The following NRG3 variants were observed in gnomAD, a reference collection of about 807,000 sequenced individuals.
The protein encoded by NRG3 is neuregulin 3.
In NRG3, 31 loss-of-function variants were observed where a neutral mutation model predicts 66.9. The observed-to-expected ratio is 0.46, with a 90% CI of 0.35 to 0.63. NRG3 has a LOEUF of 0.63. Among genes scored for constraint, NRG3 ranks in the 20% least tolerant of loss-of-function variants. The pLI, the probability that NRG3 is intolerant of heterozygous loss-of-function variation, is 0.00. For synonymous variants in NRG3, 393 were observed against 359.4 expected, an observed-to-expected ratio of 1.09 and a Z score of -1.06; for missense variants, 910 against 878.9, an observed-to-expected ratio of 1.04 and a Z score of -0.45.
At chr10:82,149,431 T>G (rs11192703) in intron 1 of NRG3, among the ~76,000 whole-genome samples, 17,963 of 152,202 alleles carry the variant, frequency 0.12, 1,779 homozygotes, top group African/African-American at 0.26. Flanking sequence ...TTTAATTGCT[T>G]TGCAACATTT....
intron 2 of NRG3, among the ~76,000 whole-genome samples, chr10:82,600,023 T>C (rs1234492373): frequency 6.6e-6 from 1 of 152,150 alleles, no homozygotes. Flanking sequence ...AAAATAGTGA[T>C]ATTCAGGTGT....
chr10:82,027,785 G>A (rs10786830), intron 1 of NRG3, among the ~76,000 whole-genome samples: 74,354 of 151,896 alleles, frequency 0.49, 19,158 homozygotes, highest in South Asian at 0.65. Context: ...CTGAAAAGAG[G>A]CAAACTGATA....
At chr10:82,800,251 T>C (rs1252624117) in intron 3 of NRG3, among the ~76,000 whole-genome samples, 1 of 152,252 alleles carries the variant, frequency 6.6e-6, no homozygotes, top group Non-Finnish European at 1.5e-5. Flanking sequence ...TCTGGGTTTC[T>C]ACATCTTTAC....
rs115197348 is a variant in NRG3 at position 82,830,825 on chromosome 10, T to C, written c.1028-34586T>C. 6.9e-3 allele frequency among the ~76,000 whole-genome samples: 1,043 copies of C among 152,220 alleles called. 12 individuals carry two copies. The highest frequency in any genetic ancestry group is 0.024 in the African/African-American group (1,001 of 41,544). On this transcript the variant is annotated intron_variant, in intron 3 of 8. Transcript: ENST00000372141. ...TAAGGTTGAGTTCCTAAAGCCATGG[T>C]GTACTTCAAATTAGGGAACAGGAGG...
intron 1 of NRG3, among the ~76,000 whole-genome samples, chr10:81,958,253 G>C (rs1850026036): frequency 1.3e-5 from 2 of 152,164 alleles, no homozygotes. Context: ...GTATGTAGAT[G>C]ACAAATCTTT....
chr10:82,567,615 T>C (rs1272241681), intron 2 of NRG3, among the ~76,000 whole-genome samples: 2 of 151,984 alleles, frequency 1.3e-5, no homozygotes, highest in South Asian at 2.1e-4. Context: ...GGAGATAATA[T>C]GTGAGACAAA....
intron 2 of NRG3, among the ~76,000 whole-genome samples, chr10:82,521,910 A>G (rs945441588): frequency 6.6e-6 from 1 of 152,132 alleles, no homozygotes; most frequent in Non-Finnish European, 1.5e-5. Flanking sequence ...CATCCATAAA[A>G]TGCAACTCCT....
chr10:82,779,494 A>G (rs1320775480), intron 3 of NRG3, among the ~76,000 whole-genome samples: 1 of 152,124 alleles, frequency 6.6e-6, no homozygotes, highest in African/African-American at 2.4e-5. Flanking sequence ...TGTTTTGGTA[A>G]CTGTTTTGGT....
intron 1 of NRG3, among the ~76,000 whole-genome samples, chr10:82,173,001 A>C (rs2072747871): frequency 6.6e-6 from 1 of 152,176 alleles, no homozygotes; most frequent in Non-Finnish European, 1.5e-5. Flanking sequence ...GTGTCTGTGC[A>C]GGAAAATCCA....
At chr10:82,014,240 T>C (rs1199087495) in intron 1 of NRG3, among the ~76,000 whole-genome samples, 1 of 152,182 alleles carries the variant, frequency 6.6e-6, no homozygotes, top group Non-Finnish European at 1.5e-5. Context: ...AAGCAAGTGC[T>C]TTATACTCAC....
chr10:82,206,412 G>T (rs1769114395), intron 1 of NRG3, among the ~76,000 whole-genome samples: 1 of 152,128 alleles, frequency 6.6e-6, no homozygotes, highest in Non-Finnish European at 1.5e-5. Context: ...TGCAGACTTG[G>T]GCAGTAGCAG....
intron 2 of NRG3, among the ~76,000 whole-genome samples, chr10:82,453,758 G>A (rs1469068474): frequency 6.9e-6 from 1 of 145,578 alleles, no homozygotes; most frequent in African/African-American, 2.5e-5. Flanking sequence ...TTATTTAACG[G>A]TCTTGTCTTC....
chr10:82,446,666 G>A (rs2136512290), intron 2 of NRG3, among the ~76,000 whole-genome samples: 1 of 152,266 alleles, frequency 6.6e-6, no homozygotes, highest in South Asian at 2.1e-4. Context: ...TAAAGAACCA[G>A]GAAAAATAGC....
At chr10:82,425,477 C>T (rs533858546) in intron 2 of NRG3, among the ~76,000 whole-genome samples, 9 of 151,740 alleles carry the variant, frequency 5.9e-5, no homozygotes. Flanking sequence ...TTTTCTTTTC[C>T]CCATTAGAAC....
chr10:82,357,373 A>C (rs2083849904), intron 1 of NRG3, among the ~76,000 whole-genome samples: 1 of 152,180 alleles, frequency 6.6e-6, no homozygotes, highest in African/African-American at 2.4e-5. Context: ...ATCAGTTGTG[A>C]CGATAATCAG....
intron 4 of NRG3, among the ~76,000 whole-genome samples, chr10:82,889,120 G>T (rs530294316): frequency 3.3e-5 from 5 of 152,078 alleles, no homozygotes; most frequent in Admixed American, 2.6e-4. Context: ...TATTAGAGCT[G>T]ATTTTTTGAG....
intron 1 of NRG3, among the ~76,000 whole-genome samples, chr10:82,098,455 C>T (rs1038237153): frequency 1.3e-5 from 2 of 152,102 alleles, no homozygotes; most frequent in South Asian, 2.1e-4. Flanking sequence ...TAGTGCTGCT[C>T]CTTGAGCCCC....
chr10:81,936,075 A>AG (rs1847842947), intron 1 of NRG3, among the ~76,000 whole-genome samples: 1 of 152,138 alleles, frequency 6.6e-6, no homozygotes, highest in African/African-American at 2.4e-5. Context: ...CAGACATGAT[A>AG]GAAGGAGATC....
At chr10:82,246,721 A>G (rs936147179) in intron 1 of NRG3, among the ~76,000 whole-genome samples, 1 of 152,226 alleles carries the variant, frequency 6.6e-6, no homozygotes, top group Non-Finnish European at 1.5e-5. Context: ...GCAAGATTGC[A>G]TGTTTTGCTT....
Sources: gnomAD v4.1 joint callset for allele counts (sites outside exome capture counted in the v4.1 genomes callset) on GRCh38, gnomAD v4.1.1 for gene constraint, MANE v1.5 for transcripts, NCBI Gene and HGNC (gene_info 2026-07-23, HGNC 2026-07-21) for gene names.